Variants in CAP1 observed in about 807,000 individuals in gnomAD.
The protein encoded by CAP1 is adenylyl cyclase-associated protein 1.
In CAP1, 11 loss-of-function variants were observed where a neutral mutation model predicts 58.2. The ratio of observed to expected loss-of-function variants is 0.19; its 90% CI spans 0.12 to 0.31. CAP1 has a LOEUF of 0.31. Among genes scored for constraint, CAP1 ranks in the 10% least tolerant of loss-of-function variants. CAP1 has a pLI of 1.00. For missense variants in CAP1, 423 were observed against 587.5 expected (o/e 0.72, Z 2.89); for synonymous variants, 183 against 213.8 (o/e 0.86, Z 1.26).
At chr1:40,067,840 T>C in intron 8 of CAP1, 123 bp downstream of exon 8, 1 of 655,010 alleles carries the variant, frequency 1.5e-6, no homozygotes, top group Non-Finnish European at 2.6e-6. Flanking sequence ...TGGTGTGTCC[T>C]GTTCCTTTAA....
chr1:40,067,783 G>A, intron 8 of CAP1, 66 bp downstream of exon 8: 2 of 1,195,324 alleles, frequency 1.7e-6, no homozygotes, highest in Non-Finnish European at 2.4e-6. Context: ...CCACCAACCA[G>A]AACCGTCTGT....
chr1:40,061,851 C>G (rs746716450), intron 4 of CAP1, 39 bp downstream of exon 4: 5 of 1,428,934 alleles, frequency 3.5e-6, no homozygotes, highest in Middle Eastern at 1.8e-4. Flanking sequence ...TGGTTTGATG[C>G]TCAGGACGAG....
intron 1 of CAP1, among the ~76,000 whole-genome samples, chr1:40,051,666 C>T (rs576346433): frequency 6.6e-6 from 1 of 152,278 alleles, no homozygotes; most frequent in East Asian, 1.9e-4. Flanking sequence ...AGCTCCGCCT[C>T]CCGGGTTCAT....
At chr1:40,045,848 C>T (rs182484975) in intron 1 of CAP1, among the ~76,000 whole-genome samples, 2 of 152,098 alleles carry the variant, frequency 1.3e-5, no homozygotes, top group East Asian at 1.9e-4. Flanking sequence ...ACCATGCGCT[C>T]GGCCAAATGT....
rs138195526 is a variant in CAP1 at position 40,044,896 on chromosome 1, AC to A, written c.-11+4096del. 3.6e-3 allele frequency among the ~76,000 whole-genome samples: 511 copies of A among 142,946 alleles called. 2 individuals carry two copies. The highest frequency in any genetic ancestry group is 0.013 in the African/African-American group (486 of 37,936). 93.8% of individuals were successfully genotyped at this position (142,946 alleles called of 152,430 possible). The stretch of plus-strand genomic sequence containing the variant: ...ACTGCAAGCTCAGCCTCCCGGGTTC[AC>A]GCCATTCACCTGCTTCAGCCTCCCG... On this transcript the variant is annotated intron_variant, in intron 1 of 12. Coordinates refer to ENST00000372805, the MANE Select transcript of CAP1 (RefSeq NM_006367.4).
At chr1:40,068,130 C>T (rs1304553620) in intron 8 of CAP1, among the ~76,000 whole-genome samples, 2 of 152,162 alleles carry the variant, frequency 1.3e-5, no homozygotes, top group Non-Finnish European at 2.9e-5. Context: ...AGTAGATACC[C>T]TTAACACAGC....
In CAP1 at chr1:40,070,768, C is replaced by T. The variant is rs537768658; in HGVS notation, c.1201-68C>T. 8 of 1,409,652 alleles carry T rather than the reference C, an allele frequency of 5.7e-6. No homozygotes were observed. The South Asian group carries it at 7.7e-5, about 14-fold the overall frequency. The allele number at this position is 1,409,652 out of a possible 1,614,324, so 87.3% of individuals were successfully genotyped here. On this transcript the variant is annotated intron_variant, in intron 11 of 12. Transcript: ENST00000372805. ...TTGCTGAGTCACGTGAAACAGGAAA[C>T]CTTTTCCTGCGACTTACTGTTGTCC...
chr1:40,056,401 TC>T (rs1055267858), intron 1 of CAP1, among the ~76,000 whole-genome samples: 14 of 151,790 alleles, frequency 9.2e-5, no homozygotes, highest in African/African-American at 3.4e-4. Flanking sequence ...GCTCAGGTAA[TC>T]CTCACACCTC....
At chr1:40,059,249 C>T in intron 1 of CAP1, 88 bp from the exon 2 acceptor site, 2 of 727,826 alleles carry the variant, frequency 2.7e-6, no homozygotes, top group South Asian at 1.7e-5. Flanking sequence ...CTTCATCCAC[C>T]TGGGGATGAC....
chr1:40,045,627 C>T (rs182521201), intron 1 of CAP1, among the ~76,000 whole-genome samples: 1 of 152,150 alleles, frequency 6.6e-6, no homozygotes, highest in Non-Finnish European at 1.5e-5. Context: ...GTGATCTTGG[C>T]TCACTGCAAC....
At chr1:40,044,385 G>A (rs1645984788) in intron 1 of CAP1, among the ~76,000 whole-genome samples, 1 of 152,148 alleles carries the variant, frequency 6.6e-6, no homozygotes, top group Admixed American at 6.5e-5. Flanking sequence ...GAGTTCTCGA[G>A]CGGTATCTTA....
At chr1:40,056,890 C>A (rs1198705237) in intron 1 of CAP1, among the ~76,000 whole-genome samples, 5 of 137,604 alleles carry the variant, frequency 3.6e-5, no homozygotes, top group Non-Finnish European at 7.9e-5. Flanking sequence ...CAAATCTCAT[C>A]TTACTCCCAC....
At chr1:40,061,583 T>C in intron 3 of CAP1, 152 bp from the exon 4 acceptor site, 1 of 695,164 alleles carries the variant, frequency 1.4e-6, no homozygotes, top group Non-Finnish European at 2.6e-6. Flanking sequence ...GTAATTCTGC[T>C]CTCAGTCCCT....
chr1:40,045,373 T>G (rs1013434943), intron 1 of CAP1, among the ~76,000 whole-genome samples: 4 of 152,156 alleles, frequency 2.6e-5, no homozygotes, highest in Non-Finnish European at 4.4e-5. Flanking sequence ...TATCCTACAA[T>G]GAATGAATCA....
chr1:40,066,374 T>TG, intron 7 of CAP1, 54 bp downstream of exon 7: 2 of 762,524 alleles, frequency 2.6e-6, no homozygotes, highest in Non-Finnish European at 4.3e-6. Context: ...CTCTCCAGCA[T>TG]GGGGTCCACA....
At chr1:40,045,581 A>T (rs1476892801) in intron 1 of CAP1, among the ~76,000 whole-genome samples, 1 of 151,490 alleles carries the variant, frequency 6.6e-6, no homozygotes, top group Non-Finnish European at 1.5e-5. Flanking sequence ...TTTGAGATGG[A>T]GTTTTGCTCG....
intron 7 of CAP1, among the ~76,000 whole-genome samples, chr1:40,066,616 C>A (rs1399214107): frequency 6.6e-6 from 1 of 152,108 alleles, no homozygotes; most frequent in South Asian, 2.1e-4. Context: ...CTTTAAGGAG[C>A]TTAAAAATAA....
At chr1:40,042,964 A>G (rs766827801) in intron 1 of CAP1, among the ~76,000 whole-genome samples, 2 of 152,114 alleles carry the variant, frequency 1.3e-5, no homozygotes, top group Non-Finnish European at 2.9e-5. Flanking sequence ...TATGAGAGGT[A>G]AATTAGGGAA....
chr1:40,041,479 A>G (rs1645827669), intron 1 of CAP1: 1 of 152,222 alleles, frequency 6.6e-6, no homozygotes, highest in African/African-American at 2.4e-5. Flanking sequence ...TTGACAAGCC[A>G]GGCTAACATT....
Sources: gnomAD v4.1 joint callset for allele counts (sites outside exome capture counted in the v4.1 genomes callset) on GRCh38, gnomAD v4.1.1 for gene constraint, MANE v1.5 for transcripts, NCBI Gene and HGNC (gene_info 2026-07-23, HGNC 2026-07-21) for gene names.